CACNA1B: variants seen among roughly 807,000 people sequenced by gnomAD.
CACNA1B encodes the protein voltage-dependent N-type calcium channel subunit alpha-1B.
Under a neutral mutation model 247.2 loss-of-function variants are expected in CACNA1B, and 70 were observed. That is an observed-to-expected ratio of 0.28 (90% CI 0.23 to 0.35). The LOEUF (loss-of-function observed/expected upper bound fraction) is 0.35, where lower values mean the gene tolerates loss of function less well. Among genes scored for constraint, CACNA1B ranks in the 10% least tolerant of loss-of-function variants. The pLI, the probability that CACNA1B is intolerant of heterozygous loss-of-function variation, is 1.00. For synonymous variants in CACNA1B, 1,231 were observed against 1,294.4 expected (o/e 0.95, Z 1.05); for missense variants, 2,367 against 3,197.4 (o/e 0.74, Z 6.26).
At position 138,120,275 on chromosome 9, in the gene CACNA1B, G is replaced by A. The variant is rs1204440044; in HGVS notation, c.6141G>A (p.Ala2047=). The A allele has an allele frequency of 1.1e-5, 17 of 1,586,842 alleles. No homozygotes were observed. The highest frequency in any genetic ancestry group is 4.6e-5 in the South Asian group (4 of 87,634). Residue 2047 remains alanine, a synonymous_variant, in exon 45 of 47, where the codon GCG becomes GCA. Coordinates refer to ENST00000371372, the MANE Select transcript of CACNA1B (RefSeq NM_000718.4). The stretch of plus-strand genomic sequence containing the variant: ...CGGACCGCCCACCCCCTAGCCAGGC[G>A]TCGTCGCACCACCACCACCACCGCT... The part of the protein sequence containing the change: ...TTPDRPPPSQ[A]SSHHHHHRCH...
chr9:137,918,683 G>A lies in CACNA1B; in HGVS notation c.966+1252G>A, dbSNP rs1957445074. Among the ~76,000 whole-genome samples, 3 of 152,262 alleles carry A rather than the reference G, an allele frequency of 2.0e-5. 1 individual carries two copies. The highest frequency in any genetic ancestry group is 7.2e-5 in the African/African-American group (3 of 41,548). On this transcript the variant is annotated intron_variant, in intron 6 of 46. Transcript: ENST00000371372. ...TGGACAGGTCCTGGGGAGAGACTGGGGCCCTTTGCCCTGTGCCTCATGCGT... is the reference window on the plus strand; with the variant it reads ...TGGACAGGTCCTGGGGAGAGACTGGAGCCCTTTGCCCTGTGCCTCATGCGT...
chr9:137,980,785 C>T (rs1395509135), intron 12 of CACNA1B, among the ~76,000 whole-genome samples: 1 of 152,174 alleles, frequency 6.6e-6, no homozygotes, highest in Non-Finnish European at 1.5e-5. Context: ...TGCATTAATT[C>T]ACTTAGGATA....
rs767871902 is a variant in CACNA1B, at chr9:137,917,461, G to T, written c.966+30G>T. 19 of 1,589,726 alleles carry T rather than the reference G, an allele frequency of 1.2e-5. No individual in the cohort carries two copies. The highest frequency in any genetic ancestry group is 1.6e-5 in the Non-Finnish European group (19 of 1,161,910). ...GTGGCGTCTTGGCCCTGGGCCTGAG[G>T]GCAGGCCCTGGACCTCCTGAGCTGG... is the stretch of plus-strand genomic sequence containing the variant. On this transcript the variant is annotated intron_variant, in intron 6 of 46. Transcript: ENST00000371372. The surrounding 1 kb of genome is among the most constrained non-coding windows in gnomAD (Gnocchi z 5.5).
chr9:137,909,408 A>T (rs1344443361), intron 3 of CACNA1B, among the ~76,000 whole-genome samples: 1 of 152,084 alleles, frequency 6.6e-6, no homozygotes, highest in African/African-American at 2.4e-5. Flanking sequence ...GTCTCTATGA[A>T]TTTGCCTCTT....
In CACNA1B at chr9:137,919,694, G is replaced by A. The variant is rs966717231; in HGVS notation, c.966+2263G>A. Among the ~76,000 whole-genome samples the A allele has an allele frequency of 4.6e-5, 7 of 152,238 alleles. No individual in the cohort carries two copies. Among genetic ancestry groups the A allele is most frequent in the African/African-American group, 1.2e-4 (5 of 41,466 alleles). On this transcript the variant is annotated intron_variant, in intron 6 of 46. Coordinates refer to ENST00000371372, the MANE Select transcript of CACNA1B (RefSeq NM_000718.4). The surrounding 1 kb of genome is among the most constrained non-coding windows in gnomAD (Gnocchi z 4.6). ...GGGTTCTTTGTGGGCGGAAGCCCACGGCCTGCAGTAGGGGTGGAGGCAGAG... is the reference window on the plus strand; with the variant it reads ...GGGTTCTTTGTGGGCGGAAGCCCACAGCCTGCAGTAGGGGTGGAGGCAGAG...
intron 6 of CACNA1B, among the ~76,000 whole-genome samples, chr9:137,937,923 G>A (rs1358182140): frequency 7.4e-6 from 1 of 135,472 alleles, no homozygotes; most frequent in Non-Finnish European, 1.5e-5. Context: ...CTCCAGCCGG[G>A]GCAACAAGAA....
intron 36 of CACNA1B, among the ~76,000 whole-genome samples, chr9:138,090,701 CAAAAA>C (rs1173964720): frequency 3.1e-3 from 51 of 16,568 alleles, no homozygotes; most frequent in African/African-American, 0.019. Flanking sequence ...AACCCATCAG[CAAAAA>C]AAAAAAAAAA....
Position 138,121,638 on chromosome 9 carries a change from T to C in CACNA1B, c.6659T>C (p.Leu2220Pro). The change falls in exon 47 of 47, where the codon CTC (leucine) becomes CCC (proline). Residue 2220 changes from leucine to proline, a missense_variant. Physicochemically the swap from Leu to Pro is moderately conservative, Grantham distance 98 (BLOSUM62 -3). Around this residue, in one of 12 missense-constraint regions of CACNA1B, gnomAD observed 773 missense variants for 779.4 expected, o/e 0.99. Transcript: ENST00000371372. This position sits in a 1 kb window ranked among gnomAD's most constrained non-coding sequence, Gnocchi z 6.8. ...PIHFAGAQTS[L>P]PAFSPGRLSR... ...CACTTCGCCGGGGCTCAGACCAGCC[T>C]CCCTGCCTTCTCCCCAGGCCGGCTC... 6.2e-7 allele frequency: 1 copy of C among 1,612,926 alleles called. No homozygotes were observed. The highest frequency in any genetic ancestry group is 1.7e-5 in the Admixed American group (1 of 59,962).
intron 11 of CACNA1B, among the ~76,000 whole-genome samples, chr9:137,972,264 A>C (rs1958162016): frequency 6.7e-6 from 1 of 148,672 alleles, no homozygotes; most frequent in South Asian, 2.1e-4. Context: ...TTACTTCACA[A>C]ACAGGATCAA....
At chr9:138,067,793 G>T (rs1959971860) in intron 31 of CACNA1B, among the ~76,000 whole-genome samples, 1 of 152,226 alleles carries the variant, frequency 6.6e-6, no homozygotes, top group Non-Finnish European at 1.5e-5. Flanking sequence ...AGTTGGACAT[G>T]TGCATACAAC....
chr9:138,076,967 A>G (rs972786259), intron 35 of CACNA1B, among the ~76,000 whole-genome samples: 2 of 152,200 alleles, frequency 1.3e-5, no homozygotes, highest in African/African-American at 4.8e-5. Context: ...GCTGGGCTTT[A>G]GCTGCTGCGT....
intron 20 of CACNA1B, among the ~76,000 whole-genome samples, chr9:138,026,903 TC>T (rs1440413067): frequency 6.6e-6 from 1 of 152,248 alleles, no homozygotes; most frequent in Non-Finnish European, 1.5e-5. Flanking sequence ...GAATGAGAGT[TC>T]CTGTTGCTCC....
Position 138,057,642 on chromosome 9 carries a change from T to G in CACNA1B, c.3969-90T>G, listed in dbSNP as rs1445469960. ...ACAGTCTGTTGGAGAGGCCATTCTTTCCCCACGGAATGGTTTCAACACTCT... is the reference window on the plus strand; with the variant it reads ...ACAGTCTGTTGGAGAGGCCATTCTTGCCCCACGGAATGGTTTCAACACTCT... On this transcript the variant is annotated intron_variant, in intron 26 of 46. Transcript: ENST00000371372. The surrounding 1 kb of genome is among the most constrained non-coding windows in gnomAD (Gnocchi z 4.0). 16 of 1,305,132 alleles carry G rather than the reference T, an allele frequency of 1.2e-5. No individual in the cohort carries two copies. The highest frequency in any genetic ancestry group is 1.7e-5 in the Non-Finnish European group (16 of 942,134). 80.8% of individuals were successfully genotyped at this position (1,305,132 alleles called of 1,614,324 possible).
At chr9:138,006,621 G>C (rs1958653916) in intron 15 of CACNA1B, 146 bp from the exon 16 acceptor site, 4 of 633,038 alleles carry the variant, frequency 6.3e-6, no homozygotes, top group Non-Finnish European at 1.2e-5. Flanking sequence ...TTCGGAGACA[G>C]CATCATCTAA....
rs946012840 is a variant in CACNA1B, at chr9:138,011,854, G to A, written c.2161-1275G>A. On this transcript the variant is annotated intron_variant, in intron 17 of 46. Coordinates refer to ENST00000371372, the MANE Select transcript of CACNA1B (RefSeq NM_000718.4). The surrounding 1 kb of genome is among the most constrained non-coding windows in gnomAD (Gnocchi z 4.2). ...TTCAAGGACATTTTAGGGAACACTGGGAATGCTGGCTCCCAGGGGAGCCAG... is the reference window on the plus strand; with the variant it reads ...TTCAAGGACATTTTAGGGAACACTGAGAATGCTGGCTCCCAGGGGAGCCAG... 1.3e-5 allele frequency among the ~76,000 whole-genome samples: 2 copies of A among 152,182 alleles called. No individual in the cohort carries two copies. The highest frequency in any genetic ancestry group is 4.8e-5 in the African/African-American group (2 of 41,440).
In CACNA1B at chr9:138,050,810, G is replaced by A. The variant is rs1199578692; in HGVS notation, c.3711-1282G>A. Among the ~76,000 whole-genome samples, 3 of 152,192 alleles carry A rather than the reference G, an allele frequency of 2.0e-5. No homozygotes were observed. The highest frequency in any genetic ancestry group is 2.0e-4 in the Admixed American group (3 of 15,282). On this transcript the variant is annotated intron_variant, in intron 24 of 46. Transcript: ENST00000371372. The surrounding 1 kb of genome is among the most constrained non-coding windows in gnomAD (Gnocchi z 5.2). ...GAGTGGGTGTCGGGAGCACTGGGGTGATGGAGACAGGAGGCTGGGTTCTTC... is the reference window on the plus strand; with the variant it reads ...GAGTGGGTGTCGGGAGCACTGGGGTAATGGAGACAGGAGGCTGGGTTCTTC...
chr9:138,049,187 A>T lies in CACNA1B; in HGVS notation c.3604-22A>T. On this transcript the variant is annotated intron_variant, in intron 23 of 46. Transcript: ENST00000371372. Reference sequence around the variant, plus strand: ...GTCTTTTCTGGACTATGACGTATCTAACGTGTGTTTCTCCCTCCTAGATGA... The same window carrying T: ...GTCTTTTCTGGACTATGACGTATCTTACGTGTGTTTCTCCCTCCTAGATGA... 2 of 1,459,976 alleles carry T rather than the reference A, an allele frequency of 1.4e-6. 1 individual carries two copies. The highest frequency in any genetic ancestry group is 3.3e-5 in the Admixed American group (2 of 59,846). The allele number at this position is 1,459,976 out of a possible 1,614,324, so 90.4% of individuals were successfully genotyped here.
intron 6 of CACNA1B, among the ~76,000 whole-genome samples, chr9:137,945,127 C>T (rs1187916674): frequency 6.6e-6 from 1 of 152,180 alleles, no homozygotes; most frequent in East Asian, 1.9e-4. Flanking sequence ...CTTCCCATGA[C>T]CACCAATTAT....
At chr9:138,023,854 C>T (rs1250188255) in intron 19 of CACNA1B, 43 bp downstream of exon 19, 6 of 960,852 alleles carry the variant, frequency 6.2e-6, no homozygotes, top group African/African-American at 3.3e-5. Context: ...AAGGGTTGGC[C>T]GGGGCGGCGC....
Sources: gnomAD v4.1 joint callset for allele counts (sites outside exome capture counted in the v4.1 genomes callset) on GRCh38, gnomAD v4.1.1 for gene constraint, gnomAD v4.1.1 regional missense constraint, Gnocchi (gnomAD v3.1) non-coding constraint, MANE v1.5 for transcripts, NCBI Gene and HGNC (gene_info 2026-07-23, HGNC 2026-07-21) for gene names.